The following SLC39A11 variants were observed in gnomAD, a reference collection of about 807,000 sequenced individuals.
SLC39A11 encodes zinc transporter ZIP11.
In SLC39A11, 33 loss-of-function variants were observed where a neutral mutation model predicts 36.1. That is an observed-to-expected ratio of 0.91 (90% CI 0.69 to 1.22). The LOEUF is 1.22. SLC39A11 is among the 50% of genes most tolerant of loss of function. The pLI is 0.00. For missense variants in SLC39A11, 432 were observed against 430.3 expected (o/e 1.00, Z -0.03); for synonymous variants, 166 against 170.3 (o/e 0.97, Z 0.20).
intron 6 of SLC39A11, among the ~76,000 whole-genome samples, chr17:72,758,704 G>A (rs1252801689): frequency 6.6e-6 from 1 of 152,162 alleles, no homozygotes. Flanking sequence ...TCTGCACTTG[G>A]TCACTTGAGC....
chr17:73,026,219 G>GAGAAGAGAAGAGAAGAGAAT (rs1568146444), intron 4 of SLC39A11, among the ~76,000 whole-genome samples: 1 of 151,434 alleles, frequency 6.6e-6, no homozygotes, highest in Non-Finnish European at 1.5e-5. Flanking sequence ...GAGAAGAGAA[G>GAGAAGAGAAGAGAAGAGAAT]AGAAGAGAAG....
At chr17:72,789,891 C>A (rs1461426031) in intron 6 of SLC39A11, among the ~76,000 whole-genome samples, 1 of 152,190 alleles carries the variant, frequency 6.6e-6, no homozygotes, top group Non-Finnish European at 1.5e-5. Flanking sequence ...CCTTCCATGT[C>A]TGGTCTGGCA....
chr17:72,718,857 T>TG (rs1239619747), intron 7 of SLC39A11, among the ~76,000 whole-genome samples: 6 of 152,146 alleles, frequency 3.9e-5, no homozygotes, highest in Non-Finnish European at 8.8e-5. Context: ...CTTGAACTCC[T>TG]GGCCTCAAGT....
intron 5 of SLC39A11, among the ~76,000 whole-genome samples, chr17:72,908,448 G>A (rs768099322): frequency 1.2e-4 from 18 of 152,160 alleles, no homozygotes; most frequent in African/African-American, 2.2e-4. Flanking sequence ...AAAACAACAC[G>A]GCTGCATCTG....
At chr17:72,697,426 G>A (rs2072358874) in intron 7 of SLC39A11, among the ~76,000 whole-genome samples, 1 of 152,138 alleles carries the variant, frequency 6.6e-6, no homozygotes, top group South Asian at 2.1e-4. Context: ...ATTATCCCCA[G>A]ATGAAGGTGT....
intron 7 of SLC39A11, among the ~76,000 whole-genome samples, chr17:72,651,061 C>T (rs550013918): frequency 1.8e-4 from 27 of 152,216 alleles, no homozygotes; most frequent in Admixed American, 1.6e-3. Context: ...TTCCAGATAC[C>T]TCAGGAAGAA....
At chr17:72,700,480 C>T (rs528830322) in intron 7 of SLC39A11, among the ~76,000 whole-genome samples, 19 of 152,326 alleles carry the variant, frequency 1.2e-4, no homozygotes, top group South Asian at 2.1e-4. Flanking sequence ...CAAGATACAC[C>T]GCCATGAAAG....
rs2070041105 is a variant in SLC39A11, at chr17:72,654,988, C to G, written c.672-5720G>C. Among the ~76,000 whole-genome samples, 2 of 152,334 alleles carry G rather than the reference C, an allele frequency of 1.3e-5. 1 individual carries two copies. The highest frequency in any genetic ancestry group is 6.8e-3 in the Middle Eastern group (2 of 294). On this transcript the variant is annotated intron_variant, in intron 7 of 9. Coordinates refer to ENST00000255559, the MANE Select transcript of SLC39A11 (RefSeq NM_139177.4). ...ACCCCATTCTTCCATCCCTGGCAAGCCTCGTTACCTCTGCCTTGCCCCAGC... is the reference window on the plus strand; with the variant it reads ...ACCCCATTCTTCCATCCCTGGCAAGGCTCGTTACCTCTGCCTTGCCCCAGC...
chr17:72,688,412 G>A (rs1416647164), intron 7 of SLC39A11, among the ~76,000 whole-genome samples: 4 of 152,242 alleles, frequency 2.6e-5, no homozygotes, highest in Non-Finnish European at 5.9e-5. Flanking sequence ...GTGTCATGCT[G>A]GACAACCCCC....
At chr17:72,829,604 C>G (rs2078182462) in intron 6 of SLC39A11, among the ~76,000 whole-genome samples, 1 of 152,122 alleles carries the variant, frequency 6.6e-6, no homozygotes, top group African/African-American at 2.4e-5. Context: ...CGAATTAGGG[C>G]AGACATGCTC....
chr17:72,708,962 G>T (rs1339720142), intron 7 of SLC39A11, among the ~76,000 whole-genome samples: 1 of 149,798 alleles, frequency 6.7e-6, no homozygotes, highest in Non-Finnish European at 1.5e-5. Flanking sequence ...TTGAGACGGA[G>T]TCTCGCGCTG....
intron 4 of SLC39A11, among the ~76,000 whole-genome samples, chr17:72,983,916 G>A (rs1208020948): frequency 6.6e-6 from 1 of 152,182 alleles, no homozygotes; most frequent in African/African-American, 2.4e-5. Flanking sequence ...GGGGATCTGT[G>A]AAATCCCCAG....
intron 7 of SLC39A11, among the ~76,000 whole-genome samples, chr17:72,736,024 G>A (rs555540443): frequency 6.6e-6 from 1 of 152,304 alleles, no homozygotes; most frequent in South Asian, 2.1e-4. Context: ...GACAGCAGAT[G>A]GAGAAATATA....
At chr17:72,845,923 T>C (rs1415602640) in intron 6 of SLC39A11, among the ~76,000 whole-genome samples, 3 of 152,016 alleles carry the variant, frequency 2.0e-5, no homozygotes, top group Non-Finnish European at 2.9e-5. Flanking sequence ...ATTTTACTAT[T>C]ATTTTTGAGA....
rs34044701 is a variant in SLC39A11, at chr17:72,776,610, GAAAAAAAAA to G, written c.602-39900_602-39892del. Among the ~76,000 whole-genome samples, 152 of 119,850 alleles carry G rather than the reference GAAAAAAAAA, an allele frequency of 1.3e-3. 3 individuals are homozygous for G. Among genetic ancestry groups the G allele is most frequent in the Non-Finnish European group, 1.4e-3 (87 of 60,380 alleles). The allele number at this position is 119,850 out of a possible 152,430, so 78.6% of individuals were successfully genotyped here. ...GTTTATAAATAAAATACTTTGCATG[GAAAAAAAAA>G]AAAAAAAAAACAGAAGACAGGCTGT... On this transcript the variant is annotated intron_variant, in intron 6 of 9. Coordinates refer to ENST00000255559, the MANE Select transcript of SLC39A11 (RefSeq NM_139177.4).
chr17:72,740,852 G>T (rs1351367351), intron 6 of SLC39A11, among the ~76,000 whole-genome samples: 2 of 151,964 alleles, frequency 1.3e-5, no homozygotes, highest in Non-Finnish European at 2.9e-5. Flanking sequence ...TTGGCTCACC[G>T]CAACCTCCGC....
At chr17:72,922,970 A>C (rs1242886883) in intron 5 of SLC39A11, among the ~76,000 whole-genome samples, 1 of 147,102 alleles carries the variant, frequency 6.8e-6, no homozygotes, top group Non-Finnish European at 1.5e-5. Context: ...CAAAAAAAAA[A>C]AAAAAAAAAA....
intron 7 of SLC39A11, among the ~76,000 whole-genome samples, chr17:72,719,702 C>A (rs1014327131): frequency 6.6e-6 from 1 of 152,188 alleles, no homozygotes; most frequent in East Asian, 1.9e-4. Flanking sequence ...GAGAGCTTGA[C>A]GGGGCCCTCC....
chr17:72,744,818 G>A (rs2074862271), intron 6 of SLC39A11, among the ~76,000 whole-genome samples: 1 of 152,146 alleles, frequency 6.6e-6, no homozygotes, highest in Non-Finnish European at 1.5e-5. Context: ...CCATCGCATT[G>A]GGGGTTAGCA....
Sources: gnomAD v4.1 joint callset for allele counts (sites outside exome capture counted in the v4.1 genomes callset) on GRCh38, gnomAD v4.1.1 for gene constraint, MANE v1.5 for transcripts, NCBI Gene and HGNC (gene_info 2026-07-23, HGNC 2026-07-21) for gene names.